The following SANBR variants were observed in gnomAD, a reference collection of about 807,000 sequenced individuals.
The protein encoded by SANBR is SANT and BTB domain regulator of CSR.
Under a neutral mutation model 101.8 loss-of-function variants are expected in SANBR, and 77 were observed. The observed-to-expected ratio is 0.76, with a 90% CI of 0.63 to 0.91. SANBR has a LOEUF of 0.91. Ranked by LOEUF, SANBR falls within the 40% of genes least tolerant of loss-of-function variation. The probability of loss-of-function intolerance (pLI) is 0.00; values close to 1 mark genes in which losing one functional copy is unlikely to be tolerated. For missense variants in SANBR, 875 were observed against 853.0 expected (o/e 1.03, Z -0.32); for synonymous variants, 279 against 274.7 (o/e 1.02, Z -0.15).
intron 2 of SANBR, 143 bp from the exon 3 acceptor site, chr2:61,070,199 A>G (rs1212551949): frequency 7.9e-6 from 4 of 506,422 alleles, no homozygotes; most frequent in Non-Finnish European, 1.3e-5. Context: ...TTTAGGCTAT[A>G]CTATGTTTAT....
In SANBR at chr2:61,123,369, T is replaced by C; in HGVS notation, c.*1207T>C. 2.0e-6 allele frequency: 2 copies of C among 980,730 alleles called. No individual in the cohort carries two copies. Among genetic ancestry groups the C allele is most frequent in the Non-Finnish European group, 2.4e-6 (2 of 825,484 alleles). The allele number at this position is 980,730 out of a possible 1,614,324, so 60.8% of individuals were successfully genotyped here. A position where few individuals can be genotyped will look rare whatever the true frequency, so the allele number is the denominator to read the frequency against. ...TGAAGTGTTACACTCAGTTTACACG[T>C]ACAGAAATCATTCTTTTTAGTGAGT... On this transcript the variant is annotated 3_prime_UTR_variant, in exon 22 of 22. Coordinates refer to ENST00000402291, the MANE Select transcript of SANBR (RefSeq NM_001129993.3).
chr2:61,134,679 C>T (rs1457145482), intron 21 of SANBR, among the ~76,000 whole-genome samples: 2 of 152,006 alleles, frequency 1.3e-5, no homozygotes, highest in African/African-American at 4.8e-5. Context: ...CGGATCACAA[C>T]GTCAGGATTG....
Position 61,122,118 on chromosome 2 carries a change from A to G in SANBR, c.2121-8A>G. On this transcript the variant is annotated splice_polypyrimidine_tract_variant and splice_region_variant and intron_variant, in intron 21 of 21. Transcript: ENST00000402291. ...ATTCTGACCTCCTTTTCTGTTTAAA[A>G]AATCTAGGTCTAAAAGTCGTTTTGG... 1 of 1,550,362 alleles carries G rather than the reference A, an allele frequency of 6.5e-7. No homozygotes were observed.
exon 22 of SANBR, chr2:61,137,691 A>G (rs1363622871): frequency 6.6e-6 from 1 of 151,902 alleles, no homozygotes; most frequent in Non-Finnish European, 1.5e-5. Flanking sequence ...GCATTTTTAC[A>G]TAGTAGCATT....
chr2:61,094,936 C>T (rs979261828), intron 11 of SANBR, among the ~76,000 whole-genome samples: 16 of 152,254 alleles, frequency 1.1e-4, no homozygotes, highest in African/African-American at 3.4e-4. Flanking sequence ...TGAGCCACTG[C>T]GCCCGGCCTC....
chr2:61,123,294 A>C lies in SANBR; in HGVS notation c.*1132A>C. On this transcript the variant is annotated 3_prime_UTR_variant, in exon 22 of 22. Transcript: ENST00000402291. ...ACTGACATTTCTTCAAATTATTCAG[A>C]GAACAGACTTTAATAATGTGTGACA... The C allele has an allele frequency of 1.0e-6, 1 of 980,724 alleles. No individual in the cohort carries two copies. Among genetic ancestry groups the C allele is most frequent in the Non-Finnish European group, 1.2e-6 (1 of 825,510 alleles). 60.8% of individuals were successfully genotyped at this position (980,724 alleles called of 1,614,324 possible).
At chr2:61,134,538 A>G (rs559431137) in intron 21 of SANBR, among the ~76,000 whole-genome samples, 23 of 152,102 alleles carry the variant, frequency 1.5e-4, no homozygotes, top group Non-Finnish European at 2.8e-4. Flanking sequence ...TCATGTTCTC[A>G]TTGTTTTGTT....
Position 61,123,744 on chromosome 2 carries a change from T to C in SANBR, c.*1582T>C. ...CAAACTGCTTCTCCCCTGGGAGGCC[T>C]ATACCACTGAATTAATTTTTACAAA... On this transcript the variant is annotated 3_prime_UTR_variant, in exon 22 of 22. Coordinates refer to ENST00000402291, the MANE Select transcript of SANBR (RefSeq NM_001129993.3). 1.0e-6 allele frequency: 1 copy of C among 985,478 alleles called. No individual in the cohort carries two copies. Among genetic ancestry groups the C allele is most frequent in the Non-Finnish European group, 1.2e-6 (1 of 829,814 alleles). The allele number at this position is 985,478 out of a possible 1,614,324, so 61.0% of individuals were successfully genotyped here.
chr2:61,113,334 T>G (rs1421583110), intron 16 of SANBR, among the ~76,000 whole-genome samples: 1 of 152,208 alleles, frequency 6.6e-6, no homozygotes, highest in Non-Finnish European at 1.5e-5. Context: ...TCTACAAATT[T>G]TAGAGTCTGT....
At chr2:61,110,407 C>T (rs1222951881) in intron 16 of SANBR, among the ~76,000 whole-genome samples, 6 of 151,726 alleles carry the variant, frequency 4.0e-5, no homozygotes, top group African/African-American at 9.7e-5. Context: ...AGGCCGGGCA[C>T]GATGGCTCAT....
chr2:61,070,631 A>T, intron 3 of SANBR, 131 bp downstream of exon 3: 1 of 580,860 alleles, frequency 1.7e-6, no homozygotes, highest in African/African-American at 2.0e-5. Context: ...CTGAATAGAC[A>T]TCTATATAAT....
intron 12 of SANBR, among the ~76,000 whole-genome samples, chr2:61,101,648 GT>G (rs1683290799): frequency 6.6e-6 from 1 of 151,376 alleles, no homozygotes; most frequent in African/African-American, 2.4e-5. Context: ...CAGGAGAATG[GT>G]GTGAACCTGG....
At chr2:61,105,668 AC>A (rs140588981) in intron 13 of SANBR, among the ~76,000 whole-genome samples, 77,129 of 146,098 alleles carry the variant, frequency 0.53, 20,183 homozygotes, top group Middle Eastern at 0.66. Context: ...GCCTGGCCGC[AC>A]CCCCCTCCTT....
At chr2:61,085,993 T>A (rs1474482224) in intron 8 of SANBR, among the ~76,000 whole-genome samples, 1 of 152,198 alleles carries the variant, frequency 6.6e-6, no homozygotes, top group Non-Finnish European at 1.5e-5. Flanking sequence ...CTGCTAGAAT[T>A]TGGGATTCAT....
At chr2:61,134,752 G>T (rs932286409) in intron 21 of SANBR, among the ~76,000 whole-genome samples, 2 of 152,024 alleles carry the variant, frequency 1.3e-5, no homozygotes, top group Admixed American at 6.6e-5. Context: ...ATTAGCTGGT[G>T]GTGTGGTGGC....
chr2:61,077,228 A>G (rs1681839168), intron 6 of SANBR, 70 bp downstream of exon 6: 1 of 1,107,008 alleles, frequency 9.0e-7, no homozygotes, highest in South Asian at 1.3e-5. Context: ...TCAGGCCAAA[A>G]GTGAAATGTG....
intron 13 of SANBR, among the ~76,000 whole-genome samples, chr2:61,104,422 C>T (rs1474716852): frequency 4.0e-5 from 6 of 149,140 alleles, no homozygotes; most frequent in Non-Finnish European, 7.4e-5. Context: ...GTGGAGCTGG[C>T]AGTGAGCCAA....
chr2:61,123,187 T>G lies in SANBR; in HGVS notation c.*1025T>G, dbSNP rs968330232. 1 of 980,184 alleles carries G rather than the reference T, an allele frequency of 1.0e-6. No homozygotes were observed. The highest frequency in any genetic ancestry group is 6.2e-5 in the Admixed American group (1 of 16,252). The allele number at this position is 980,184 out of a possible 1,614,324, so 60.7% of individuals were successfully genotyped here. On this transcript the variant is annotated 3_prime_UTR_variant, in exon 22 of 22. Transcript: ENST00000402291. ...CAAACTATAACCATATAATAAATTA[T>G]GTGTTTGTAAATTATATGTAGGTCT...
At chr2:61,080,341 C>A (rs779044803) in intron 6 of SANBR, among the ~76,000 whole-genome samples, 24 of 152,052 alleles carry the variant, frequency 1.6e-4, no homozygotes, top group Non-Finnish European at 3.1e-4. Context: ...TTTCTAATAA[C>A]CTGCCACTGG....
Sources: allele counts gnomAD v4.1 joint callset (sites outside exome capture counted in the v4.1 genomes callset), GRCh38; gene constraint gnomAD v4.1.1; transcripts MANE v1.5; gene names NCBI Gene and HGNC (gene_info 2026-07-23, HGNC 2026-07-21).